The following NOSTRIN variants were observed in gnomAD, a reference collection of about 807,000 sequenced individuals.
NOSTRIN encodes BM247 homolog.
Under a neutral mutation model 59.0 loss-of-function variants are expected in NOSTRIN, and 63 were observed. The ratio of observed to expected loss-of-function variants is 1.07; its 90% CI spans 0.87 to 1.32. The LOEUF (loss-of-function observed/expected upper bound fraction) is 1.32, where lower values mean the gene tolerates loss of function less well. Ranked by LOEUF, NOSTRIN falls within the 40% of genes most tolerant of loss-of-function variation. The pLI is 0.00. For missense variants in NOSTRIN, 512 were observed against 473.1 expected (o/e 1.08, Z -0.76); for synonymous variants, 200 against 165.4 (o/e 1.21, Z -1.61).
upstream of NOSTRIN, among the ~76,000 whole-genome samples, chr2:168,797,084 T>TTTTTTC (rs1553519718): frequency 6.9e-4 from 22 of 31,770 alleles, no homozygotes; most frequent in African/African-American, 2.3e-3. Flanking sequence ...TTTTTCTTTT[T>TTTTTTC]TTTTTTTTTT....
intron 2 of NOSTRIN, among the ~76,000 whole-genome samples, chr2:168,824,396 T>A (rs918891690): frequency 6.6e-6 from 1 of 152,016 alleles, no homozygotes; most frequent in Admixed American, 6.5e-5. Context: ...CTTCCCATGC[T>A]CAAGCGATTC....
intron 10 of NOSTRIN, among the ~76,000 whole-genome samples, chr2:168,855,151 T>C (rs1251554417): frequency 6.6e-6 from 1 of 152,260 alleles, no homozygotes; most frequent in Non-Finnish European, 1.5e-5. Context: ...TTAAAAGTTG[T>C]GAACAAGACA....
rs1441251618 is a variant in NOSTRIN, at chr2:168,834,501, GCGCGCGCA to G, written c.504+178_504+185del. 6.5e-3 allele frequency among the ~76,000 whole-genome samples: 716 copies of G among 110,726 alleles called. 6 individuals are homozygous for G. The highest frequency in any genetic ancestry group is 0.024 in the South Asian group (88 of 3,708). The allele number at this position is 110,726 out of a possible 152,430, so 72.6% of individuals were successfully genotyped here. A position where few individuals can be genotyped will look rare whatever the true frequency, so the allele number is the denominator to read the frequency against. On this transcript the variant is annotated intron_variant, in intron 7 of 15. Coordinates refer to ENST00000317647, the MANE Select transcript of NOSTRIN (RefSeq NM_001039724.4). Reference sequence around the variant, plus strand: ...AATCATTACTGGCGTGCGCGCGCGCGCGCGCGCACACACACACACACACACACACACAC... The same window carrying G: ...AATCATTACTGGCGTGCGCGCGCGCGCACACACACACACACACACACACAC...
chr2:168,807,374 T>A (rs893108744), intron 1 of NOSTRIN, among the ~76,000 whole-genome samples: 4 of 152,256 alleles, frequency 2.6e-5, no homozygotes, highest in African/African-American at 9.6e-5. Flanking sequence ...TCTCAGTAGA[T>A]GGTACATAAT....
intron 2 of NOSTRIN, among the ~76,000 whole-genome samples, chr2:168,817,632 T>C (rs853666): frequency 0.63 from 96,446 of 151,964 alleles, 31,074 homozygotes; most frequent in African/African-American, 0.75. Context: ...AGCTTAGGAA[T>C]GAATGCACAC....
chr2:168,855,638 C>CAAAAAAAAAAAAAAAAAAAGAAAAAA, intron 11 of NOSTRIN, 178 bp downstream of exon 11: 1 of 115,544 alleles, frequency 8.7e-6, no homozygotes, highest in African/African-American at 3.5e-5. Context: ...AAAAGAAAGC[C>CAAAAAAAAAAAAAAAAAAAGAAAAAA]AAAAAAAAAA....
At chr2:168,844,116 A>G (rs116609322) in intron 8 of NOSTRIN, among the ~76,000 whole-genome samples, 2,439 of 152,336 alleles carry the variant, frequency 0.016, 59 homozygotes, top group African/African-American at 0.056. Context: ...GTGTAAATCA[A>G]CATTCTTTTA....
chr2:168,858,517 A>G (rs1014681170), intron 12 of NOSTRIN, among the ~76,000 whole-genome samples: 1 of 152,216 alleles, frequency 6.6e-6, no homozygotes, highest in Non-Finnish European at 1.5e-5. Flanking sequence ...ATTGTTGAGA[A>G]AACTGGAGGC....
At chr2:168,832,122 G>A (rs1258645019) in intron 6 of NOSTRIN, among the ~76,000 whole-genome samples, 1 of 152,216 alleles carries the variant, frequency 6.6e-6, no homozygotes, top group Non-Finnish European at 1.5e-5. Context: ...TCAATTTCAT[G>A]AGTATGTGGG....
At chr2:168,790,307 AATGTG>A (rs1183199434) in intron 2 of NOSTRIN, among the ~76,000 whole-genome samples, 1 of 152,232 alleles carries the variant, frequency 6.6e-6, no homozygotes, top group African/African-American at 2.4e-5. Context: ...ATAAACTGAA[AATGTG>A]ATGAGGAGAA....
At chr2:168,853,513 A>G (rs543350527) in intron 10 of NOSTRIN, among the ~76,000 whole-genome samples, 1 of 152,222 alleles carries the variant, frequency 6.6e-6, no homozygotes, top group Non-Finnish European at 1.5e-5. Flanking sequence ...AATGATGGCA[A>G]TATACCCCAT....
rs1483691430 is a variant in NOSTRIN, at chr2:168,791,076, T to C, written c.-473+3028T>C. On this transcript the variant is annotated intron_variant, in intron 2 of 20. Transcript: ENST00000458381. ...TTACCTATGTATACATGTGCCATGT[T>C]GGTGTGCTGCACCCATTAACTCATC... Among the ~76,000 whole-genome samples, 4 of 152,302 alleles carry C rather than the reference T, an allele frequency of 2.6e-5. No individual in the cohort carries two copies. In the East Asian group the frequency reaches 7.7e-4, roughly 29 times the overall value.
In NOSTRIN at chr2:168,859,670, G is replaced by T. The variant is rs748915384; in HGVS notation, c.1179+33G>T. Reference sequence around the variant, plus strand: ...TTAAGGAGACTGGTTGTAATTTCTTGATTGGGCCTGCTGGGTGGAGTGGCT... The same window carrying T: ...TTAAGGAGACTGGTTGTAATTTCTTTATTGGGCCTGCTGGGTGGAGTGGCT... On this transcript the variant is annotated intron_variant, in intron 13 of 15. Transcript: ENST00000317647. The T allele has an allele frequency of 1.4e-5, 23 of 1,611,014 alleles. 2 individuals are homozygous for T. In the South Asian group the frequency reaches 2.5e-4, roughly 18 times the overall value.
chr2:168,834,507 G>GCACACACACACACACACA (rs1553527194), intron 7 of NOSTRIN, among the ~76,000 whole-genome samples, 182 bp downstream of exon 7: 7 of 125,426 alleles, frequency 5.6e-5, no homozygotes, highest in African/African-American at 9.2e-5. Flanking sequence ...GCGCGCGCGC[G>GCACACACACACACACACA]CACACACACA....
chr2:168,830,901 A>G (rs1687323666), intron 5 of NOSTRIN, among the ~76,000 whole-genome samples: 2 of 152,324 alleles, frequency 1.3e-5, no homozygotes, highest in African/African-American at 2.4e-5. Context: ...ATGATTGCAC[A>G]TGTTTACATG....
At chr2:168,788,065 A>T (rs1685251604) in intron 2 of NOSTRIN, 1 of 152,042 alleles carries the variant, frequency 6.6e-6, no homozygotes, top group Non-Finnish European at 1.5e-5. Context: ...GATAAGAAAA[A>T]AAAAATGATG....
chr2:168,815,858 C>T (rs975876625), intron 2 of NOSTRIN, among the ~76,000 whole-genome samples: 18 of 152,206 alleles, frequency 1.2e-4, no homozygotes, highest in African/African-American at 4.3e-4. Flanking sequence ...ATCCACTCTT[C>T]TCCAAAGCTG....
At chr2:168,838,195 C>T (rs1687854375) in intron 7 of NOSTRIN, among the ~76,000 whole-genome samples, 1 of 152,172 alleles carries the variant, frequency 6.6e-6, no homozygotes, top group Non-Finnish European at 1.5e-5. Context: ...CCAACCATCA[C>T]TTTTTTTCTA....
intron 3 of NOSTRIN, among the ~76,000 whole-genome samples, chr2:168,826,220 G>GAGAGGTAT (rs1553524016): frequency 0.2 from 29,671 of 151,110 alleles, 3,354 homozygotes; most frequent in Middle Eastern, 0.27. Flanking sequence ...CCTAAGGAAT[G>GAGAGGTAT]AGGGGTGTAG....
Sources: allele counts gnomAD v4.1 joint callset (sites outside exome capture counted in the v4.1 genomes callset), GRCh38; gene constraint gnomAD v4.1.1; transcripts MANE v1.5; gene names NCBI Gene and HGNC (gene_info 2026-07-23, HGNC 2026-07-21).